The following CAST variants were observed in gnomAD, a reference collection of about 807,000 sequenced individuals.
The protein encoded by CAST is calpastatin.
A neutral mutation model predicts 119.6 loss-of-function variants in CAST; 76 were observed. The ratio of observed to expected loss-of-function variants is 0.64; its 90% CI spans 0.53 to 0.77. CAST has a LOEUF of 0.77. CAST is among the 30% of genes least tolerant of loss of function. CAST has a pLI of 0.00. For missense variants in CAST, 953 were observed against 946.5 expected (o/e 1.01, Z -0.09); for synonymous variants, 319 against 331.6 (o/e 0.96, Z 0.41).
At chr5:96,402,308 A>G in the CAST span, among the ~76,000 whole-genome samples, 1 of 152,232 alleles carries the variant, frequency 6.6e-6, no homozygotes, top group African/African-American at 2.4e-5. Flanking sequence ...CACAGTGTGC[A>G]GTTTGTGGCT....
At chr5:96,358,327 T>A in the CAST span, among the ~76,000 whole-genome samples, 1 of 152,204 alleles carries the variant, frequency 6.6e-6, no homozygotes. Flanking sequence ...AGTCTCTATC[T>A]CCTTTAGTTC....
chr5:96,321,765 GT>G, the CAST span, among the ~76,000 whole-genome samples: 1,406 of 152,316 alleles, frequency 9.2e-3, 26 homozygotes, highest in African/African-American at 0.033. Context: ...AAACGTTTGA[GT>G]TATAAAGAAA....
At chr5:96,193,534 T>C in the CAST span, among the ~76,000 whole-genome samples, 25,620 of 152,166 alleles carry the variant, frequency 0.17, 3,541 homozygotes, top group African/African-American at 0.37. Context: ...CAGAAGATAC[T>C]CTCTGGAAAA....
the CAST span, among the ~76,000 whole-genome samples, chr5:96,378,744 T>G: frequency 8.5e-5 from 13 of 152,180 alleles, no homozygotes; most frequent in African/African-American, 3.1e-4. Flanking sequence ...CTTATACTCT[T>G]ATTTATGAGT....
the CAST span, among the ~76,000 whole-genome samples, chr5:96,274,397 C>T: frequency 2.0e-5 from 3 of 151,900 alleles, no homozygotes; most frequent in African/African-American, 7.3e-5. Context: ...CCACAGCTCC[C>T]AGCCTAGAGC....
rs894795201 is a variant in CAST at position 96,593,675 on chromosome 5, G to A, written c.60+63795G>A. On this transcript the variant is annotated intron_variant, in intron 1 of 11. Transcript: ENST00000505143. Reference sequence around the variant, plus strand: ...TCAGTGTGATGATATTAGGAGATGTGAGGAAATTAGTCATGAGAGTGAATG... The same window carrying A: ...TCAGTGTGATGATATTAGGAGATGTAAGGAAATTAGTCATGAGAGTGAATG... Among the ~76,000 whole-genome samples the A allele has an allele frequency of 3.9e-5, 6 of 152,320 alleles. No homozygotes were observed. In the South Asian group the frequency reaches 1.2e-3, roughly 32 times the overall value.
chr5:96,534,777 GA>G (rs1427212130), intron 1 of CAST, among the ~76,000 whole-genome samples: 3 of 115,900 alleles, frequency 2.6e-5, no homozygotes, highest in Admixed American at 9.3e-5. Flanking sequence ...AAGAAAGAAA[GA>G]AAGAAAGAAA....
the CAST span, among the ~76,000 whole-genome samples, chr5:96,417,332 T>C: frequency 8.5e-5 from 13 of 152,144 alleles, no homozygotes; most frequent in African/African-American, 3.1e-4. Flanking sequence ...ATAATTATCT[T>C]TAATTCAAGA....
chr5:96,141,408 C>T, the CAST span, among the ~76,000 whole-genome samples: 4 of 152,226 alleles, frequency 2.6e-5, no homozygotes, highest in Admixed American at 6.5e-5. Context: ...GTAACATAGA[C>T]ACCTCACACT....
At chr5:96,594,805 AG>A (rs1233766569) in intron 1 of CAST, among the ~76,000 whole-genome samples, 2 of 152,206 alleles carry the variant, frequency 1.3e-5, no homozygotes, top group Admixed American at 1.3e-4. Flanking sequence ...AGTTGCTTAA[AG>A]GTGAGGATTG....
At chr5:96,029,558 TAA>T in the CAST span, among the ~76,000 whole-genome samples, 1 of 152,102 alleles carries the variant, frequency 6.6e-6, no homozygotes, top group Non-Finnish European at 1.5e-5. Flanking sequence ...TGAATTTTTA[TAA>T]AGTCTATTTT....
At chr5:96,640,701 C>A (rs1747939661) in intron 1 of CAST, among the ~76,000 whole-genome samples, 2 of 152,142 alleles carry the variant, frequency 1.3e-5, no homozygotes, top group South Asian at 4.1e-4. Context: ...GATGGAATGC[C>A]CTTTAGAATT....
At chr5:96,719,508 G>A (rs1172366030) in intron 3 of CAST, among the ~76,000 whole-genome samples, 1 of 152,160 alleles carries the variant, frequency 6.6e-6, no homozygotes, top group Non-Finnish European at 1.5e-5. Flanking sequence ...GGTGAGTGGA[G>A]AGTAATTTCT....
At chr5:96,306,468 G>A in the CAST span, among the ~76,000 whole-genome samples, 3 of 151,628 alleles carry the variant, frequency 2.0e-5, no homozygotes, top group Admixed American at 6.6e-5. Flanking sequence ...CTCTGATCTT[G>A]GTTATTTCTT....
At chr5:96,596,959 C>T (rs1190059472) in intron 1 of CAST, among the ~76,000 whole-genome samples, 2 of 152,084 alleles carry the variant, frequency 1.3e-5, no homozygotes, top group Non-Finnish European at 2.9e-5. Context: ...ATATGGACAC[C>T]GGTTCTATCA....
chr5:96,537,370 C>A (rs1745839583), intron 1 of CAST, among the ~76,000 whole-genome samples: 1 of 152,162 alleles, frequency 6.6e-6, no homozygotes, highest in Admixed American at 6.5e-5. Context: ...AATAGACTAC[C>A]CCTCCTGCCC....
the CAST span, among the ~76,000 whole-genome samples, chr5:96,321,592 G>T: frequency 3.3e-5 from 5 of 152,208 alleles, no homozygotes; most frequent in South Asian, 1.0e-3. Flanking sequence ...GCCATTAATT[G>T]GCTCTTGAAG....
the CAST span, among the ~76,000 whole-genome samples, chr5:96,362,438 A>C: frequency 9.2e-3 from 1,404 of 152,336 alleles, 17 homozygotes; most frequent in African/African-American, 0.032. Flanking sequence ...GAACTAGTTT[A>C]CAGTCCCACC....
the CAST span, among the ~76,000 whole-genome samples, chr5:96,442,275 A>T: frequency 9.9e-5 from 15 of 152,236 alleles, no homozygotes; most frequent in Non-Finnish European, 1.9e-4. Context: ...AAACAGAGGA[A>T]ATAATACTAT....
Sources: allele counts gnomAD v4.1 joint callset (sites outside exome capture counted in the v4.1 genomes callset), GRCh38; gene constraint gnomAD v4.1.1; transcripts MANE v1.5; gene names NCBI Gene and HGNC (gene_info 2026-07-23, HGNC 2026-07-21).